MPV17L2: variants seen among roughly 807,000 people sequenced by gnomAD.
The protein encoded by MPV17L2 is MPV17 mitochondrial inner membrane protein like 2, also known as mpv17-like protein 2.
In MPV17L2, 25 loss-of-function variants were observed where a neutral mutation model predicts 24.2. That is an observed-to-expected ratio of 1.03 (90% confidence interval 0.75 to 1.44). MPV17L2 has a LOEUF of 1.44. Ranked by LOEUF, MPV17L2 falls within the 40% of genes most tolerant of loss-of-function variation. The pLI, the probability that MPV17L2 is intolerant of heterozygous loss-of-function variation, is 0.00. For missense variants in MPV17L2, 271 were observed against 276.2 expected (o/e 0.98, Z 0.13); for synonymous variants, 130 against 121.4 (o/e 1.07, Z -0.46).
At chr19:18,195,172 C>A in intron 4 of MPV17L2, 86 bp downstream of exon 4, 1 of 1,538,454 alleles carries the variant, frequency 6.5e-7, no homozygotes, top group South Asian at 1.2e-5. Context: ...AGCCAGCCAC[C>A]CTGGAGGGTG....
In MPV17L2 at chr19:18,196,735, A is replaced by G. The variant is rs997150771; in HGVS notation, c.*680A>G. The G allele has an allele frequency of 3.8e-5, 12 of 319,106 alleles. No homozygotes were observed. Among genetic ancestry groups the G allele is most frequent in the Non-Finnish European group, 6.8e-5 (11 of 162,780 alleles). 19.8% of individuals were successfully genotyped at this position (319,106 alleles called of 1,614,324 possible). Reference sequence around the variant, plus strand: ...TTTATATTGAAAAATAAAAATAACAAAAGAAAATGCTGTGGATGATCAAAA... The same window carrying G: ...TTTATATTGAAAAATAAAAATAACAGAAGAAAATGCTGTGGATGATCAAAA... On this transcript the variant is annotated 3_prime_UTR_variant, in exon 5 of 5. Coordinates refer to ENST00000599612, the MANE Select transcript of MPV17L2 (RefSeq NM_032683.3).
chr19:18,194,097 G>C (rs1383009265), intron 2 of MPV17L2, 63 bp downstream of exon 2: 21 of 1,554,582 alleles, frequency 1.4e-5, no homozygotes, highest in Non-Finnish European at 1.8e-5. Flanking sequence ...AGCCAGCTTT[G>C]TGTTAAGAAG....
At position 18,196,680 on chromosome 19, in the gene MPV17L2, C is replaced by G. The variant is rs1256349487; in HGVS notation, c.*625C>G. ...CTCGAGGCCAGGTGTTCGAGACCAG[C>G]CTGGGCAACATAGCAAGACCCTGTC... On this transcript the variant is annotated 3_prime_UTR_variant, in exon 5 of 5. Transcript: ENST00000599612. The G allele has an allele frequency of 2.9e-6, 1 of 343,612 alleles. No homozygotes were observed. Among genetic ancestry groups the G allele is most frequent in the African/African-American group, 2.2e-5 (1 of 46,510 alleles). 21.3% of individuals were successfully genotyped at this position (343,612 alleles called of 1,614,324 possible).
chr19:18,195,229 G>A (rs967587330), intron 4 of MPV17L2, 143 bp downstream of exon 4: 9 of 1,361,920 alleles, frequency 6.6e-6, no homozygotes, highest in African/African-American at 5.8e-5. Flanking sequence ...GTGGGCTGGC[G>A]GAGAGCTCCT....
At chr19:18,193,749 G>T in intron 1 of MPV17L2, 115 bp from the exon 2 acceptor site, 1 of 1,512,768 alleles carries the variant, frequency 6.6e-7, no homozygotes, top group Non-Finnish European at 8.8e-7. Context: ...TTCCCGGTGA[G>T]GCTGAGGCTC....
rs574129906 is a variant in MPV17L2, at chr19:18,196,158, G to A, written c.*103G>A. ...GCAGCAAGCTCGGGTCTTGAGCCAC[G>A]TCCCAGCACCACTTCAGCTCCGGAG... is the stretch of plus-strand genomic sequence containing the variant. On this transcript the variant is annotated 3_prime_UTR_variant, in exon 5 of 5. Coordinates refer to ENST00000599612, the MANE Select transcript of MPV17L2 (RefSeq NM_032683.3). 36 of 1,589,636 alleles carry A rather than the reference G, an allele frequency of 2.3e-5. No homozygotes were observed. The highest frequency in any genetic ancestry group is 3.3e-4 in the Middle Eastern group (2 of 6,024).
Position 18,196,177 on chromosome 19 carries a change from TCCGGAGCATTGGG to T in MPV17L2, c.*124_*136del, listed in dbSNP as rs1235496004. On this transcript the variant is annotated 3_prime_UTR_variant, in exon 5 of 5. Coordinates refer to ENST00000599612, the MANE Select transcript of MPV17L2 (RefSeq NM_032683.3). The stretch of plus-strand genomic sequence containing the variant: ...AGCCACGTCCCAGCACCACTTCAGC[TCCGGAGCATTGGG>T]CTGAGCCGCCCTTTCCAAGCTCACT... 5 of 1,567,930 alleles carry T rather than the reference TCCGGAGCATTGGG, an allele frequency of 3.2e-6. No homozygotes were observed. The highest frequency in any genetic ancestry group is 4.3e-6 in the Non-Finnish European group (5 of 1,160,472).
Position 18,196,032 on chromosome 19 carries a change from G to A in MPV17L2, c.598G>A (p.Ala200Thr). Residue 200 changes from alanine to threonine, a missense_variant, in exon 5 of 5, where the codon GCC becomes ACC. Ala to Thr is a moderately conservative substitution (Grantham distance 58, BLOSUM62 0). Coordinates refer to ENST00000599612, the MANE Select transcript of MPV17L2 (RefSeq NM_032683.3). ...PVPLTPPGCV[A>T]LDTRAD ...TCCTCTGACACCCCCAGGCTGTGTGGCCCTGGACACCCGAGCAGACTGAAC... is the reference window on the plus strand; with the variant it reads ...TCCTCTGACACCCCCAGGCTGTGTGACCCTGGACACCCGAGCAGACTGAAC... The A allele has an allele frequency of 6.2e-7, 1 of 1,613,790 alleles. No homozygotes were observed. Among genetic ancestry groups the A allele is most frequent in the Non-Finnish European group, 8.5e-7 (1 of 1,179,774 alleles).
In MPV17L2 at chr19:18,193,385, C is replaced by A; in HGVS notation, c.104C>A (p.Ala35Glu). 1 of 1,567,722 alleles carries A rather than the reference C, an allele frequency of 6.4e-7. No homozygotes were observed. The highest frequency in any genetic ancestry group is 8.6e-7 in the Non-Finnish European group (1 of 1,163,470). The change falls in exon 1 of 5, where the codon GCG (alanine) becomes GAG (glutamate). Residue 35 changes from alanine (A) to glutamate (E), a missense_variant. Ala to Glu is a moderately radical substitution (Grantham distance 107). Coordinates refer to ENST00000599612, the MANE Select transcript of MPV17L2 (RefSeq NM_032683.3). ...GTCACTAACACGCTGGGCTGCGGCG[C>A]GCTCATGGCGGCCGGTGATGGCGTG... ...LLVTNTLGCGALMAAGDGVRQ... is the reference protein window; with the variant it reads ...LLVTNTLGCGELMAAGDGVRQ...
chr19:18,196,081 A>T lies in MPV17L2; in HGVS notation c.*26A>T. 6.2e-7 allele frequency: 1 copy of T among 1,614,020 alleles called. No homozygotes were observed. Among genetic ancestry groups the T allele is most frequent in the Non-Finnish European group, 8.5e-7 (1 of 1,179,970 alleles). ...ACTGTCTGCTTCCTGGACCAGATGC[A>T]AGACTGTCTCCTGGCGGACCACCCC... On this transcript the variant is annotated 3_prime_UTR_variant, in exon 5 of 5. Coordinates refer to ENST00000599612, the MANE Select transcript of MPV17L2 (RefSeq NM_032683.3).
At chr19:18,193,759 C>T in intron 1 of MPV17L2, 105 bp from the exon 2 acceptor site, 1 of 1,523,402 alleles carries the variant, frequency 6.6e-7, no homozygotes, top group Non-Finnish European at 8.8e-7. Context: ...GGCTGAGGCT[C>T]CGGGATGGCA....
Position 18,195,047 on chromosome 19 carries a change from G to A in MPV17L2, c.525G>A (p.Thr175=), listed in dbSNP as rs1967487727. The A allele has an allele frequency of 1.2e-6, 2 of 1,614,130 alleles. No homozygotes were observed. Among genetic ancestry groups the A allele is most frequent in the South Asian group, 1.1e-5 (1 of 91,082 alleles). Residue 175 remains threonine, a synonymous_variant, in exon 4 of 5, where the codon ACG becomes ACA. Transcript: ENST00000599612. The part of the protein sequence containing the change: ...QFRVTYINGL[T]LGWDTYLSYL... ...GAGTCACCTACATCAACGGCCTGAC[G>A]CTGGGCTGGGACACGTACCTGTCCT...
intron 4 of MPV17L2, among the ~76,000 whole-genome samples, chr19:18,195,523 G>A (rs1353302372): frequency 2.0e-5 from 3 of 148,634 alleles, no homozygotes; most frequent in Non-Finnish European, 3.0e-5. Flanking sequence ...GTGACAGAGC[G>A]AGACTCCGTT....
At chr19:18,194,225 C>T in intron 2 of MPV17L2, 191 bp downstream of exon 2, 1 of 632,022 alleles carries the variant, frequency 1.6e-6, no homozygotes, top group Non-Finnish European at 2.7e-6. Context: ...GTAGGAGGGA[C>T]GAGGACTGTA....
Position 18,196,085 on chromosome 19 carries a change from CTG to C in MPV17L2, c.*32_*33del, listed in dbSNP as rs1479313261. 1.2e-6 allele frequency: 2 copies of C among 1,613,942 alleles called. No homozygotes were observed. The highest frequency in any genetic ancestry group is 2.7e-5 in the African/African-American group (2 of 74,932). The stretch of plus-strand genomic sequence containing the variant: ...TCTGCTTCCTGGACCAGATGCAAGA[CTG>C]TCTCCTGGCGGACCACCCCCTCTGA... On this transcript the variant is annotated 3_prime_UTR_variant, in exon 5 of 5. Coordinates refer to ENST00000599612, the MANE Select transcript of MPV17L2 (RefSeq NM_032683.3).
intron 2 of MPV17L2, among the ~76,000 whole-genome samples, 184 bp from the exon 3 acceptor site, chr19:18,194,588 CTGTTT>C (rs1987235798): frequency 6.6e-6 from 1 of 152,178 alleles, no homozygotes; most frequent in African/African-American, 2.4e-5. Flanking sequence ...CTGACTTGCT[CTGTTT>C]TGTCTCTACA....
In MPV17L2 at chr19:18,193,916, C is replaced by T. The variant is rs1394018507; in HGVS notation, c.240C>T (p.Tyr80=). 6.2e-7 allele frequency: 1 copy of T among 1,614,204 alleles called. No homozygotes were observed. Among genetic ancestry groups the T allele is most frequent in the Non-Finnish European group, 8.5e-7 (1 of 1,180,028 alleles). ...CSMGPFLHYW[Y]LSLDRLFPAS... is the part of the protein sequence containing the mutation. ...TGGGTCCCTTCCTGCACTACTGGTA[C>T]TTGTCGCTGGACCGCCTATTCCCTG... Residue 80 remains tyrosine (Y), a synonymous_variant, in exon 2 of 5, where the codon TAC becomes TAT. Coordinates refer to ENST00000599612, the MANE Select transcript of MPV17L2 (RefSeq NM_032683.3).
In MPV17L2 at chr19:18,193,986, G is replaced by C. The variant is rs1192717364; in HGVS notation, c.310G>C (p.Val104Leu). ...CCCAAATGTCCTCAAGAAGGTCCTCGTGGATCAGCTGGTAGCCTCTCCATT... is the reference window on the plus strand; with the variant it reads ...CCCAAATGTCCTCAAGAAGGTCCTCCTGGATCAGCTGGTAGCCTCTCCATT... ...GFPNVLKKVLVDQLVASPLLG... is the reference protein window; with the variant it reads ...GFPNVLKKVLLDQLVASPLLG... Residue 104 changes from valine (V) to leucine (L), a missense_variant, in exon 2 of 5, where the codon GTG becomes CTG. By Grantham distance (32) the Val-to-Leu change is conservative. Coordinates refer to ENST00000599612, the MANE Select transcript of MPV17L2 (RefSeq NM_032683.3). 2 of 1,614,126 alleles carry C rather than the reference G, an allele frequency of 1.2e-6. No individual in the cohort carries two copies. The highest frequency in any genetic ancestry group is 1.7e-6 in the Non-Finnish European group (2 of 1,180,058).
chr19:18,194,141 T>G, intron 2 of MPV17L2, 107 bp downstream of exon 2: 3 of 1,319,150 alleles, frequency 2.3e-6, no homozygotes, highest in Non-Finnish European at 3.1e-6. Flanking sequence ...TGCCCCCTGT[T>G]TGGGTCGCCC....
Sources: gnomAD v4.1 joint callset for allele counts (sites outside exome capture counted in the v4.1 genomes callset) on GRCh38, gnomAD v4.1.1 for gene constraint, MANE v1.5 for transcripts, NCBI Gene and HGNC (gene_info 2026-07-23, HGNC 2026-07-21) for gene names.